Variants in FUT9 observed in about 807,000 individuals in gnomAD.
The protein encoded by FUT9 is 4-galactosyl-N-acetylglucosaminide 3-alpha-L-fucosyltransferase 9.
Under a neutral mutation model 29.7 loss-of-function variants are expected in FUT9, and 15 were observed. That is an observed-to-expected ratio of 0.51 (90% confidence interval 0.34 to 0.78). The LOEUF (loss-of-function observed/expected upper bound fraction) is 0.78. Ranked by LOEUF, FUT9 falls within the 30% of genes least tolerant of loss-of-function variation. The pLI, the probability that FUT9 is intolerant of heterozygous loss-of-function variation, is 0.01. For missense variants in FUT9, 319 were observed against 425.4 expected (o/e 0.75, Z 2.20); for synonymous variants, 169 against 153.7 (o/e 1.10, Z -0.74).
intron 1 of FUT9, among the ~76,000 whole-genome samples, chr6:96,079,509 C>A (rs1044214863): frequency 3.3e-5 from 5 of 152,208 alleles, no homozygotes; most frequent in Middle Eastern, 3.4e-3. Context: ...CCTTTACAGT[C>A]ATTTTGGTAA....
intron 1 of FUT9, among the ~76,000 whole-genome samples, chr6:96,030,528 G>A (rs1274811603): frequency 6.6e-6 from 1 of 151,480 alleles, no homozygotes; most frequent in Non-Finnish European, 1.5e-5. Context: ...ATTGCTGGAA[G>A]GGATGCAAAA....
chr6:96,094,636 A>G (rs1771465598), intron 1 of FUT9, among the ~76,000 whole-genome samples: 1 of 152,162 alleles, frequency 6.6e-6, no homozygotes. Context: ...ATGGATAAGT[A>G]GAAACTACTG....
chr6:96,095,725 C>T (rs1193114428), intron 1 of FUT9, among the ~76,000 whole-genome samples: 3 of 152,042 alleles, frequency 2.0e-5, no homozygotes, highest in African/African-American at 7.2e-5. Context: ...TTGGTGATTT[C>T]ATCAAATTTC....
intron 2 of FUT9, among the ~76,000 whole-genome samples, chr6:96,141,418 T>A (rs1370082580): frequency 6.6e-6 from 1 of 152,128 alleles, no homozygotes; most frequent in Non-Finnish European, 1.5e-5. Context: ...CACAAAATGG[T>A]TTGGTAAGTC....
chr6:96,102,305 A>G (rs141023538), intron 1 of FUT9, among the ~76,000 whole-genome samples: 1,574 of 152,286 alleles, frequency 0.01, 30 homozygotes, highest in African/African-American at 0.036. Context: ...GAAATTTTAC[A>G]TATAAATACA....
At chr6:96,184,176 G>A (rs888518409) in intron 2 of FUT9, among the ~76,000 whole-genome samples, 3 of 152,002 alleles carry the variant, frequency 2.0e-5, no homozygotes, top group Admixed American at 1.3e-4. Flanking sequence ...TTTAAGCTAG[G>A]AGGGTTGTAT....
chr6:96,177,069 C>T (rs1468671235), intron 2 of FUT9, among the ~76,000 whole-genome samples: 1 of 152,010 alleles, frequency 6.6e-6, no homozygotes, highest in Non-Finnish European at 1.5e-5. Context: ...TGTGAGAGGC[C>T]ACTTCTATCT....
Position 96,203,586 on chromosome 6 carries a change from A to G in FUT9, c.431A>G (p.Gln144Arg). ...MNLESPTHTPQKSGIEHLFNL... is the reference protein window; with the variant it reads ...MNLESPTHTPRKSGIEHLFNL... ...TTGGAATCACCAACTCACACTCCCC[A>G]AAAGAGTGGCATTGAGCACTTGTTT... is the stretch of plus-strand genomic sequence containing the variant. Residue 144 changes from glutamine (Q) to arginine (R), a missense_variant, in exon 3 of 3, where the codon CAA becomes CGA. By Grantham distance (43) the Gln-to-Arg change is conservative. Coordinates refer to ENST00000302103, the MANE Select transcript of FUT9 (RefSeq NM_006581.4). 6.2e-7 allele frequency: 1 copy of G among 1,613,910 alleles called. No homozygotes were observed. The highest frequency in any genetic ancestry group is 8.5e-7 in the Non-Finnish European group (1 of 1,179,952).
chr6:96,140,587 A>G (rs1259046471), intron 2 of FUT9, among the ~76,000 whole-genome samples: 3 of 152,204 alleles, frequency 2.0e-5, no homozygotes, highest in East Asian at 1.9e-4. Context: ...ACAGTTCCAC[A>G]TGGCTGGGGA....
intron 1 of FUT9, among the ~76,000 whole-genome samples, chr6:96,062,690 G>A (rs1770896893): frequency 6.6e-6 from 1 of 152,056 alleles, no homozygotes; most frequent in African/African-American, 2.4e-5. Context: ...AATTTCAGAA[G>A]ATTTTTTTCT....
intron 2 of FUT9, among the ~76,000 whole-genome samples, chr6:96,127,800 A>G (rs1032091436): frequency 6.6e-6 from 1 of 152,036 alleles, no homozygotes; most frequent in African/African-American, 2.4e-5. Flanking sequence ...ATTTTTTCAT[A>G]TGCTTATTGG....
chr6:96,130,071 A>G (rs543006065), intron 2 of FUT9, among the ~76,000 whole-genome samples: 286 of 152,224 alleles, frequency 1.9e-3, no homozygotes, highest in African/African-American at 6.3e-3. Flanking sequence ...ATAAAATAAC[A>G]TTGGGAGGTG....
At chr6:96,079,374 C>G (rs1029440921) in intron 1 of FUT9, among the ~76,000 whole-genome samples, 1 of 152,130 alleles carries the variant, frequency 6.6e-6, no homozygotes, top group African/African-American at 2.4e-5. Context: ...TTACTACTCT[C>G]GAAGTTAAGT....
intron 2 of FUT9, among the ~76,000 whole-genome samples, chr6:96,132,765 A>G (rs566066589): frequency 1.3e-5 from 2 of 152,212 alleles, no homozygotes; most frequent in East Asian, 3.9e-4. Flanking sequence ...GCTAAAATGT[A>G]AAAAGCATAT....
rs1039737175 is a variant in FUT9, at chr6:96,214,132, G to A, written c.*9897G>A. The A allele has an allele frequency of 6.0e-6, 1 of 166,858 alleles. No homozygotes were observed. Among genetic ancestry groups the A allele is most frequent in the Admixed American group, 6.6e-5 (1 of 15,262 alleles). The allele number at this position is 166,858 out of a possible 1,614,324, so 10.3% of individuals were successfully genotyped here. ...AATTTTCTCCCAAAACTTTATTTTT[G>A]GAGTTATTGTTGGCAATAAATACAA... On this transcript the variant is annotated 3_prime_UTR_variant, in exon 3 of 3. Coordinates refer to ENST00000302103, the MANE Select transcript of FUT9 (RefSeq NM_006581.4).
chr6:96,042,802 C>G (rs965515047), intron 1 of FUT9, among the ~76,000 whole-genome samples: 3 of 152,028 alleles, frequency 2.0e-5, no homozygotes, highest in African/African-American at 7.2e-5. Flanking sequence ...GAGATACTTC[C>G]CATTATTCTG....
chr6:96,078,139 A>AT (rs1315868744), intron 1 of FUT9, among the ~76,000 whole-genome samples: 1 of 151,850 alleles, frequency 6.6e-6, no homozygotes, highest in Non-Finnish European at 1.5e-5. Context: ...ACTTGTTTTA[A>AT]TTTTTTCATT....
At chr6:96,104,581 A>T (rs1160802983) in intron 1 of FUT9, among the ~76,000 whole-genome samples, 2 of 152,160 alleles carry the variant, frequency 1.3e-5, no homozygotes, top group African/African-American at 4.8e-5. Context: ...CCCAGGCTGG[A>T]GTGCAGTGGT....
At chr6:96,078,677 C>T (rs946779991) in intron 1 of FUT9, among the ~76,000 whole-genome samples, 1 of 151,940 alleles carries the variant, frequency 6.6e-6, no homozygotes. Context: ...GACTCGGCCT[C>T]CCAAAGTGCT....
Sources: gnomAD v4.1 joint callset for allele counts (sites outside exome capture counted in the v4.1 genomes callset) on GRCh38, gnomAD v4.1.1 for gene constraint, MANE v1.5 for transcripts, NCBI Gene and HGNC (gene_info 2026-07-23, HGNC 2026-07-21) for gene names.